The following BCL10 variants were observed in gnomAD, a reference collection of about 807,000 sequenced individuals.
BCL10 encodes BCL10 immune signaling adaptor.
In BCL10, 5 loss-of-function variants were observed where a neutral mutation model predicts 19.2. The observed-to-expected ratio is 0.26, with a 90% CI of 0.14 to 0.55. The LOEUF (loss-of-function observed/expected upper bound fraction) is 0.55, where lower values mean the gene tolerates loss of function less well. Ranked by LOEUF, BCL10 falls within the 20% of genes least tolerant of loss-of-function variation. BCL10 has a pLI of 0.94. For missense variants in BCL10, 201 were observed against 271.9 expected (o/e 0.74, Z 1.83); for synonymous variants, 110 against 98.8 (o/e 1.11, Z -0.67).
Position 85,267,391 on chromosome 1 carries a change from A to C in BCL10, c.*236T>G. On this transcript the variant is annotated 3_prime_UTR_variant, in exon 3 of 3. Transcript: ENST00000648566. ...AGAAAATATTTAAAAAAGTACTGAA[A>C]GACCTTAAAAAGGAAAAAAAGAAAT... 2.4e-6 allele frequency: 1 copy of C among 419,552 alleles called. No homozygotes were observed. The allele number at this position is 419,552 out of a possible 1,614,324, so 26.0% of individuals were successfully genotyped here. A position where few individuals can be genotyped will look rare whatever the true frequency, so the allele number is the denominator to read the frequency against.
intron 1 of BCL10, among the ~76,000 whole-genome samples, chr1:85,271,277 T>G (rs1170199567): frequency 2.0e-5 from 3 of 152,216 alleles, no homozygotes; most frequent in Non-Finnish European, 4.4e-5. Flanking sequence ...AATGCAGAAT[T>G]AGTCAGGACC....
chr1:85,272,854 A>C (rs751273420), intron 1 of BCL10, among the ~76,000 whole-genome samples: 1 of 152,218 alleles, frequency 6.6e-6, no homozygotes, highest in African/African-American at 2.4e-5. Flanking sequence ...CTCTGTACAC[A>C]GTAAGTACTC....
rs1307134231 is a variant in BCL10 at position 85,276,577 on chromosome 1, C to T, written c.-225G>A. ...GACGGCGACGCGAATCTACGCGACGCGACGCGGAGCTCGGAGCAGCGTTCC... is the reference window on the plus strand; with the variant it reads ...GACGGCGACGCGAATCTACGCGACGTGACGCGGAGCTCGGAGCAGCGTTCC... On this transcript the variant is annotated 5_prime_UTR_variant, in exon 1 of 3. Transcript: ENST00000648566. The T allele has an allele frequency of 3.3e-6, 2 of 597,868 alleles. No homozygotes were observed. Among genetic ancestry groups the T allele is most frequent in the Non-Finnish European group, 5.9e-6 (2 of 336,908 alleles). 37.0% of individuals were successfully genotyped at this position (597,868 alleles called of 1,614,324 possible). A position where few individuals can be genotyped will look rare whatever the true frequency, so the allele number is the denominator to read the frequency against.
intron 1 of BCL10, among the ~76,000 whole-genome samples, chr1:85,275,642 T>C (rs1281087871): frequency 6.6e-6 from 1 of 152,214 alleles, no homozygotes; most frequent in Non-Finnish European, 1.5e-5. Context: ...AACAAAGCCA[T>C]TCGTTACGAA....
At chr1:85,274,978 A>G (rs954765337) in intron 1 of BCL10, among the ~76,000 whole-genome samples, 5 of 152,258 alleles carry the variant, frequency 3.3e-5, no homozygotes, top group Admixed American at 3.3e-4. Context: ...ACTTGTATAC[A>G]GATCTTATTT....
chr1:85,276,255 A>G, intron 1 of BCL10, 41 bp downstream of exon 1: 1 of 1,598,250 alleles, frequency 6.3e-7, no homozygotes, highest in Non-Finnish European at 8.6e-7. Context: ...GCTGGGCTGC[A>G]GCCCGCCCCC....
rs387906350 is a variant in BCL10, at chr1:85,267,829, GA to G, written c.499del (p.Ser167LeufsTer6). ...EGESSTTPFF[S>X]TNSSLNLPVL... ...AGGCAAATTCAGAGAAGAATTAGTA[GA>G]AAAAAAGGGCGTCGTGCTGGATTCT... On this transcript the variant is annotated frameshift_variant, in exon 3 of 3. Transcript: ENST00000648566. LOFTEE classifies it high-confidence loss of function. 1.2e-6 allele frequency: 2 copies of G among 1,614,118 alleles called. No homozygotes were observed. Among genetic ancestry groups the G allele is most frequent in the Non-Finnish European group, 1.7e-6 (2 of 1,180,024 alleles).
chr1:85,276,431 C>T lies in BCL10; in HGVS notation c.-79G>A, dbSNP rs1189513758. 6.6e-7 allele frequency: 1 copy of T among 1,524,860 alleles called. No individual in the cohort carries two copies. Among genetic ancestry groups the T allele is most frequent in the Non-Finnish European group, 9.1e-7 (1 of 1,102,380 alleles). 94.5% of individuals were successfully genotyped at this position (1,524,860 alleles called of 1,614,324 possible). A position where few individuals can be genotyped will look rare whatever the true frequency, so the allele number is the denominator to read the frequency against. On this transcript the variant is annotated 5_prime_UTR_variant, in exon 1 of 3. Coordinates refer to ENST00000648566, the MANE Select transcript of BCL10 (RefSeq NM_003921.5). ...CCCCGCCCTGGCTGGGGGCTTCGGC[C>T]TCCGGGTAATGGGGAAGAAGGAGAG...
Position 85,267,435 on chromosome 1 carries a change from C to A in BCL10, c.*192G>T. 2.0e-6 allele frequency: 1 copy of A among 490,346 alleles called. No individual in the cohort carries two copies. Among genetic ancestry groups the A allele is most frequent in the South Asian group, 4.2e-5 (1 of 23,746 alleles). 30.4% of individuals were successfully genotyped at this position (490,346 alleles called of 1,614,324 possible). On this transcript the variant is annotated 3_prime_UTR_variant, in exon 3 of 3. Coordinates refer to ENST00000648566, the MANE Select transcript of BCL10 (RefSeq NM_003921.5). ...AAGAAATTACTAAAAAGTACATGAT[C>A]AACATGATTTACAGTTAGCTATCCT... is the stretch of plus-strand genomic sequence containing the variant.
intron 1 of BCL10, among the ~76,000 whole-genome samples, chr1:85,273,329 CT>C (rs1273172558): frequency 2.0e-5 from 3 of 152,202 alleles, no homozygotes; most frequent in African/African-American, 7.2e-5. Context: ...TACTCCCTCC[CT>C]GAAACAAGAA....
At chr1:85,268,188 T>C (rs923215813) in intron 2 of BCL10, among the ~76,000 whole-genome samples, 1 of 152,354 alleles carries the variant, frequency 6.6e-6, no homozygotes, top group African/African-American at 2.4e-5. Flanking sequence ...ATTTTCTATA[T>C]AACAAAATAG....
rs191123416 is a variant in BCL10, at chr1:85,266,007, T to C, written c.*1620A>G. On this transcript the variant is annotated 3_prime_UTR_variant, in exon 3 of 3. Coordinates refer to ENST00000648566, the MANE Select transcript of BCL10 (RefSeq NM_003921.5). ...CTAACACCACTATTTTTGCTATGCATTGGAGGTGAAACATTTCTCTATAAT... is the reference window on the plus strand; with the variant it reads ...CTAACACCACTATTTTTGCTATGCACTGGAGGTGAAACATTTCTCTATAAT... Among the ~76,000 whole-genome samples, 87 of 152,334 alleles carry C rather than the reference T, an allele frequency of 5.7e-4. 1 individual carries two copies. The highest frequency in any genetic ancestry group is 4.0e-3 in the Admixed American group (61 of 15,298).
intron 1 of BCL10, among the ~76,000 whole-genome samples, chr1:85,272,712 G>A (rs11161581): frequency 0.14 from 20,937 of 152,098 alleles, 1,577 homozygotes; most frequent in South Asian, 0.22. Context: ...TCACCCTTGT[G>A]AGAGCTGGGC....
At position 85,276,510 on chromosome 1, in the gene BCL10, C is replaced by T; in HGVS notation, c.-158G>A. On this transcript the variant is annotated 5_prime_UTR_variant, in exon 1 of 3. Transcript: ENST00000648566. ...CCGCCCCTTCGGGAACAGAGGGACT[C>T]GGGGGTCAAACCGTAGCGCTTCCGG... 1 of 763,962 alleles carries T rather than the reference C, an allele frequency of 1.3e-6. No homozygotes were observed. The highest frequency in any genetic ancestry group is 2.7e-5 in the East Asian group (1 of 37,008). The allele number at this position is 763,962 out of a possible 1,614,324, so 47.3% of individuals were successfully genotyped here. A position where few individuals can be genotyped will look rare whatever the true frequency, so the allele number is the denominator to read the frequency against.
chr1:85,273,488 A>G (rs1660423009), intron 1 of BCL10, among the ~76,000 whole-genome samples: 1 of 152,092 alleles, frequency 6.6e-6, no homozygotes, highest in Non-Finnish European at 1.5e-5. Flanking sequence ...GTTTTACACC[A>G]TTTTTCTCTT....
intron 2 of BCL10, among the ~76,000 whole-genome samples, chr1:85,268,655 C>G (rs1019183354): frequency 1.3e-5 from 2 of 151,522 alleles, no homozygotes; most frequent in African/African-American, 2.4e-5. Context: ...GCAATCGCAG[C>G]TACTCAGGAG....
chr1:85,269,797 TATTCTGGAGTGAGA>T (rs1398698709), intron 2 of BCL10, among the ~76,000 whole-genome samples: 1 of 152,246 alleles, frequency 6.6e-6, no homozygotes, highest in East Asian at 1.9e-4. Flanking sequence ...AGTGAGTGTA[TATTCTGGAGTGAGA>T]GTGAAATGGG....
At position 85,267,988 on chromosome 1, in the gene BCL10, A is replaced by G; in HGVS notation, c.347-6T>C. ...ACAACTGCTACATTTTAGTCCTACA[A>G]TAAAATTATTCAGATGTAAATGAAA... On this transcript the variant is annotated splice_region_variant and splice_polypyrimidine_tract_variant and intron_variant, in intron 2 of 2. Transcript: ENST00000648566. 4.6e-6 allele frequency: 7 copies of G among 1,506,506 alleles called. No homozygotes were observed. The highest frequency in any genetic ancestry group is 5.3e-6 in the Non-Finnish European group (6 of 1,122,522). The allele number at this position is 1,506,506 out of a possible 1,614,324, so 93.3% of individuals were successfully genotyped here.
In BCL10 at chr1:85,266,700, C is replaced by T. The variant is rs756028157; in HGVS notation, c.*927G>A. 3 of 179,244 alleles carry T rather than the reference C, an allele frequency of 1.7e-5. No individual in the cohort carries two copies. Among genetic ancestry groups the T allele is most frequent in the East Asian group, 1.8e-4 (2 of 10,896 alleles). The allele number at this position is 179,244 out of a possible 1,614,324, so 11.1% of individuals were successfully genotyped here. ...CAGCCTGGCCAACATGGCAAAACAC[C>T]GTCTCTACAAAAATAATACAAAAAT... On this transcript the variant is annotated 3_prime_UTR_variant, in exon 3 of 3. Transcript: ENST00000648566.
Sources: gnomAD v4.1 joint callset for allele counts (sites outside exome capture counted in the v4.1 genomes callset) on GRCh38, gnomAD v4.1.1 for gene constraint, MANE v1.5 for transcripts, NCBI Gene and HGNC (gene_info 2026-07-23, HGNC 2026-07-21) for gene names.